ANKRD44: variants seen among roughly 807,000 people sequenced by gnomAD.
ANKRD44 encodes the protein ankyrin repeat domain 44, also known as serine/threonine-protein phosphatase 6 regulatory ankyrin repeat subunit B.
Under a neutral mutation model 116.0 loss-of-function variants are expected in ANKRD44, and 35 were observed. That is an observed-to-expected ratio of 0.30 (90% confidence interval 0.23 to 0.40). The LOEUF (loss-of-function observed/expected upper bound fraction) is 0.40. Among genes scored for constraint, ANKRD44 ranks in the 10% least tolerant of loss-of-function variants. ANKRD44 has a pLI of 1.00. For synonymous variants in ANKRD44, 435 were observed against 461.8 expected (o/e 0.94, Z 0.74); for missense variants, 1,014 against 1,242.6 (o/e 0.82, Z 2.77).
chr2:197,084,411 C>A (rs770561818), intron 13 of ANKRD44, among the ~76,000 whole-genome samples: 2 of 152,148 alleles, frequency 1.3e-5, no homozygotes, highest in Non-Finnish European at 2.9e-5. Context: ...CTGGGTCTGT[C>A]TTGAGTTCTC....
At chr2:197,106,030 G>A (rs1448546824) in intron 9 of ANKRD44, among the ~76,000 whole-genome samples, 1 of 152,182 alleles carries the variant, frequency 6.6e-6, no homozygotes, top group Non-Finnish European at 1.5e-5. Flanking sequence ...GCCAAAAATT[G>A]GGTAGAGAAA....
At chr2:197,290,010 G>A (rs769064103) in intron 1 of ANKRD44, among the ~76,000 whole-genome samples, 22 of 151,738 alleles carry the variant, frequency 1.4e-4, no homozygotes, top group Admixed American at 7.9e-4. Context: ...ACAGGTGCCC[G>A]CCACCACGCC....
chr2:197,259,403 C>T (rs1322187817), intron 1 of ANKRD44, among the ~76,000 whole-genome samples: 4 of 152,154 alleles, frequency 2.6e-5, no homozygotes, highest in Admixed American at 1.3e-4. Context: ...AACAAAGTTA[C>T]TTGGAAGATA....
At chr2:196,992,348 A>T (rs937223834) in intron 27 of ANKRD44, among the ~76,000 whole-genome samples, 2 of 152,244 alleles carry the variant, frequency 1.3e-5, no homozygotes, top group African/African-American at 2.4e-5. Context: ...CCATTTCACG[A>T]AAGTCAGTGA....
intron 4 of ANKRD44, among the ~76,000 whole-genome samples, chr2:197,126,279 C>A (rs1420173786): frequency 6.6e-6 from 1 of 152,188 alleles, no homozygotes; most frequent in Non-Finnish European, 1.5e-5. Flanking sequence ...ATCAAATAAA[C>A]CTTCTAAGTA....
Position 197,094,786 on chromosome 2 carries a change from A to G in ANKRD44, c.1101-4754T>C, listed in dbSNP as rs143837914. ...GAATTTTATCTATGCAATTCCAAGT[A>G]TTTATTATGCACCCTTAAGTGACAG... On this transcript the variant is annotated intron_variant, in intron 10 of 27. Coordinates refer to ENST00000282272, the MANE Select transcript of ANKRD44 (RefSeq NM_001195144.2). Among the ~76,000 whole-genome samples the G allele has an allele frequency of 2.6e-3, 399 of 152,322 alleles. 1 individual carries two copies. The highest frequency in any genetic ancestry group is 9.0e-3 in the African/African-American group (375 of 41,576).
intron 10 of ANKRD44, among the ~76,000 whole-genome samples, chr2:197,094,909 T>C (rs1437480675): frequency 6.6e-6 from 1 of 152,230 alleles, no homozygotes; most frequent in Non-Finnish European, 1.5e-5. Flanking sequence ...AAGAGGCCCC[T>C]TCTCGATCTG....
At chr2:197,042,499 TAA>T (rs774188881) in intron 16 of ANKRD44, among the ~76,000 whole-genome samples, 186 of 106,182 alleles carry the variant, frequency 1.8e-3, no homozygotes, top group African/African-American at 5.3e-3. Context: ...CCTCCACTAC[TAA>T]AAAAAAAAAA....
chr2:197,212,666 C>T lies in ANKRD44; in HGVS notation c.28-25560G>A, dbSNP rs1271895491. On this transcript the variant is annotated intron_variant, in intron 1 of 27. Coordinates refer to ENST00000282272, the MANE Select transcript of ANKRD44 (RefSeq NM_001195144.2). This position sits in a 1 kb window ranked among gnomAD's most constrained non-coding sequence, Gnocchi z 4.8. ...CCAAAAAGGTTATTGCAGGCTCTCA[C>T]AGAAGAACTTCTACATGAGTAAAAA... is the stretch of plus-strand genomic sequence containing the variant. Among the ~76,000 whole-genome samples the T allele has an allele frequency of 6.6e-6, 1 of 152,212 alleles. No individual in the cohort carries two copies. The highest frequency in any genetic ancestry group is 1.5e-5 in the Non-Finnish European group (1 of 68,042).
At chr2:197,193,413 T>A (rs1375940559) in intron 1 of ANKRD44, among the ~76,000 whole-genome samples, 1 of 152,214 alleles carries the variant, frequency 6.6e-6, no homozygotes, top group Non-Finnish European at 1.5e-5. Flanking sequence ...CTGGAGGCAA[T>A]GTTAATTTTT....
chr2:197,075,935 C>T (rs1012518664), intron 16 of ANKRD44, among the ~76,000 whole-genome samples: 8 of 152,078 alleles, frequency 5.3e-5, no homozygotes, highest in African/African-American at 1.2e-4. Context: ...CAGGAGGAGG[C>T]GCCAAAGACA....
Position 197,167,829 on chromosome 2 carries a change from G to A in ANKRD44, c.111+19194C>T, listed in dbSNP as rs910428362. ...TGTCATCTGGTTTCATGCAAAACAT[G>A]CAGATTTTCCCCTTTACCATACTCT... On this transcript the variant is annotated intron_variant, in intron 2 of 27. Transcript: ENST00000282272. Among the ~76,000 whole-genome samples, 9 of 152,200 alleles carry A rather than the reference G, an allele frequency of 5.9e-5. No homozygotes were observed. In the East Asian group the frequency reaches 1.5e-3, roughly 26 times the overall value.
At chr2:197,007,108 A>C (rs1158548041) in intron 20 of ANKRD44, among the ~76,000 whole-genome samples, 2 of 152,130 alleles carry the variant, frequency 1.3e-5, no homozygotes, top group Non-Finnish European at 2.9e-5. Context: ...TAAAAAAAAA[A>C]AACCAAACAC....
chr2:197,015,391 G>T (rs1197856795), intron 17 of ANKRD44: 1 of 587,410 alleles, frequency 1.7e-6, no homozygotes, highest in Non-Finnish European at 3.0e-6. Context: ...GAGAGGATTT[G>T]CTTTTGTAAC....
chr2:197,167,195 A>G (rs2080118785), intron 2 of ANKRD44, among the ~76,000 whole-genome samples: 1 of 152,152 alleles, frequency 6.6e-6, no homozygotes, highest in South Asian at 2.1e-4. Flanking sequence ...TTTGCCTTTC[A>G]GCAGCGCCTG....
chr2:197,015,770 A>G (rs1477154400), intron 17 of ANKRD44: 2 of 504,040 alleles, frequency 4.0e-6, no homozygotes, highest in Non-Finnish European at 7.4e-6. Context: ...GGACCAGGAT[A>G]TAGAAACCAA....
chr2:197,206,212 G>T (rs1367431167), intron 1 of ANKRD44, among the ~76,000 whole-genome samples: 1 of 152,168 alleles, frequency 6.6e-6, no homozygotes, highest in Non-Finnish European at 1.5e-5. Flanking sequence ...GCATAGAGAT[G>T]ATGTTTTTTC....
intron 16 of ANKRD44, among the ~76,000 whole-genome samples, chr2:197,036,220 C>A (rs571985137): frequency 1.3e-5 from 2 of 152,076 alleles, no homozygotes; most frequent in South Asian, 4.1e-4. Flanking sequence ...AGCAAGGAGA[C>A]ATTACCTTTC....
At chr2:197,030,602 T>G (rs1042665249) in intron 16 of ANKRD44, among the ~76,000 whole-genome samples, 1 of 152,182 alleles carries the variant, frequency 6.6e-6, no homozygotes, top group South Asian at 2.1e-4. Flanking sequence ...TTCCTGATCA[T>G]GGGGCAGAGG....
Sources: allele counts gnomAD v4.1 joint callset (sites outside exome capture counted in the v4.1 genomes callset), GRCh38; gene constraint gnomAD v4.1.1; non-coding constraint Gnocchi (gnomAD v3.1); transcripts MANE v1.5; gene names NCBI Gene and HGNC (gene_info 2026-07-23, HGNC 2026-07-21).